GPC5: variants seen among roughly 807,000 people sequenced by gnomAD.
GPC5 encodes glypican 5.
In GPC5, 47 loss-of-function variants were observed where a neutral mutation model predicts 53.9. That is an observed-to-expected ratio of 0.87 (90% confidence interval 0.69 to 1.11). The LOEUF (loss-of-function observed/expected upper bound fraction) is 1.11, where lower values mean the gene tolerates loss of function less well. Ranked by LOEUF, GPC5 falls within the 50% of genes most tolerant of loss-of-function variation. The pLI, the probability that GPC5 is intolerant of heterozygous loss-of-function variation, is 0.00. For missense variants in GPC5, 748 were observed against 713.1 expected, an observed-to-expected ratio of 1.05 and a Z score of -0.56; for synonymous variants, 286 against 263.3, an observed-to-expected ratio of 1.09 and a Z score of -0.84.
At chr13:91,511,889 GTC>G (rs1167280902) in intron 2 of GPC5, among the ~76,000 whole-genome samples, 1 of 151,766 alleles carries the variant, frequency 6.6e-6, no homozygotes, top group Non-Finnish European at 1.5e-5. Context: ...TTTTTGTCAT[GTC>G]TCATAATTTT....
intron 7 of GPC5, among the ~76,000 whole-genome samples, chr13:92,325,621 T>C (rs372114373): frequency 1.3e-5 from 2 of 152,164 alleles, no homozygotes; most frequent in African/African-American, 4.8e-5. Context: ...AAACAGATGA[T>C]TGGTTGAACA....
At position 91,494,226 on chromosome 13, in the gene GPC5, G is replaced by T. The variant is rs563369192; in HGVS notation, c.325+45304G>T. 1.3e-4 allele frequency among the ~76,000 whole-genome samples: 19 copies of T among 151,710 alleles called. No homozygotes were observed. In the South Asian group the frequency reaches 4.0e-3, roughly 32 times the overall value. The stretch of plus-strand genomic sequence containing the variant: ...CTGTTGTTATGAATGACCTGTTTGT[G>T]CCTCTTGCAAAGGCCAGCCCTTGTT... On this transcript the variant is annotated intron_variant, in intron 2 of 7. Transcript: ENST00000377067.
At chr13:92,639,028 A>G (rs2139145761) in intron 7 of GPC5, among the ~76,000 whole-genome samples, 1 of 152,290 alleles carries the variant, frequency 6.6e-6, no homozygotes, top group African/African-American at 2.4e-5. Context: ...CATAATATTG[A>G]GGGGGGCATG....
At chr13:92,500,633 C>T (rs1880150211) in intron 7 of GPC5, among the ~76,000 whole-genome samples, 1 of 152,152 alleles carries the variant, frequency 6.6e-6, no homozygotes, top group Non-Finnish European at 1.5e-5. Flanking sequence ...ATTTTTCCCC[C>T]CATCCTGAGT....
At chr13:91,699,240 G>A (rs2035945755) in intron 3 of GPC5, among the ~76,000 whole-genome samples, 1 of 152,194 alleles carries the variant, frequency 6.6e-6, no homozygotes, top group Non-Finnish European at 1.5e-5. Context: ...TATATGAAAA[G>A]TTGACAAGAT....
At chr13:92,195,712 G>C (rs1196014850) in intron 7 of GPC5, among the ~76,000 whole-genome samples, 1 of 152,160 alleles carries the variant, frequency 6.6e-6, no homozygotes, top group African/African-American at 2.4e-5. Flanking sequence ...CAGTTTTGAT[G>C]AACAGTGACT....
At chr13:92,564,666 T>A (rs1882808992) in intron 7 of GPC5, among the ~76,000 whole-genome samples, 2 of 152,014 alleles carry the variant, frequency 1.3e-5, no homozygotes, top group Non-Finnish European at 2.9e-5. Flanking sequence ...TCAGTCCTTT[T>A]TCCCCTTCTT....
chr13:92,683,845 A>G (rs1398105658), intron 7 of GPC5, among the ~76,000 whole-genome samples: 1 of 152,128 alleles, frequency 6.6e-6, no homozygotes, highest in Non-Finnish European at 1.5e-5. Flanking sequence ...TATTTTTAAC[A>G]TCTCGTGGTA....
At chr13:91,924,886 A>G (rs1290949402) in intron 6 of GPC5, among the ~76,000 whole-genome samples, 5 of 150,494 alleles carry the variant, frequency 3.3e-5, no homozygotes, top group East Asian at 2.0e-4. Context: ...GCTGGAGTGC[A>G]GTGGCTCACT....
chr13:91,511,845 C>G (rs1389334507), intron 2 of GPC5, among the ~76,000 whole-genome samples: 1 of 151,934 alleles, frequency 6.6e-6, no homozygotes, highest in African/African-American at 2.4e-5. Context: ...GAACCTTCTT[C>G]TATGGACTAT....
chr13:92,397,149 T>C (rs1299439912), intron 7 of GPC5, among the ~76,000 whole-genome samples: 1 of 152,352 alleles, frequency 6.6e-6, no homozygotes, highest in East Asian at 1.9e-4. Flanking sequence ...TTGTCAAAGT[T>C]ACCTTATGCA....
At chr13:92,685,207 C>A (rs1463614477) in intron 7 of GPC5, among the ~76,000 whole-genome samples, 1 of 152,118 alleles carries the variant, frequency 6.6e-6, no homozygotes, top group Non-Finnish European at 1.5e-5. Flanking sequence ...TTCTCCCTGC[C>A]TCAGCCTCCT....
intron 2 of GPC5, among the ~76,000 whole-genome samples, chr13:91,609,061 G>C (rs568621211): frequency 2.5e-5 from 1 of 40,248 alleles, no homozygotes. Flanking sequence ...ACAGGAGTTG[G>C]TGATAGTGTC....
chr13:92,461,062 AT>A (rs926081127), intron 7 of GPC5, among the ~76,000 whole-genome samples: 13 of 150,656 alleles, frequency 8.6e-5, no homozygotes, highest in Non-Finnish European at 1.8e-4. Flanking sequence ...CTAAGTCAAC[AT>A]TTTTTTTTTC....
chr13:91,426,763 G>C (rs1879085039), intron 1 of GPC5, among the ~76,000 whole-genome samples: 1 of 152,156 alleles, frequency 6.6e-6, no homozygotes, highest in Non-Finnish European at 1.5e-5. Context: ...CTGATTAGAT[G>C]GTGCCCACCA....
At chr13:91,921,381 C>G (rs546272678) in intron 6 of GPC5, among the ~76,000 whole-genome samples, 14 of 151,114 alleles carry the variant, frequency 9.3e-5, no homozygotes, top group Non-Finnish European at 1.9e-4. Flanking sequence ...TTTTCTAAGT[C>G]AAAAAAAATT....
chr13:91,716,042 G>T (rs984080082), intron 3 of GPC5, among the ~76,000 whole-genome samples: 2 of 151,222 alleles, frequency 1.3e-5, no homozygotes, highest in African/African-American at 4.9e-5. Context: ...AATTCCAAAA[G>T]TGTTGGGATT....
intron 7 of GPC5, among the ~76,000 whole-genome samples, chr13:92,151,147 G>T (rs2041904942): frequency 6.6e-6 from 1 of 152,030 alleles, no homozygotes; most frequent in Non-Finnish European, 1.5e-5. Context: ...TAACTGTGTG[G>T]AAGTAGTCAT....
intron 5 of GPC5, among the ~76,000 whole-genome samples, chr13:91,763,874 G>A (rs373631818): frequency 6.6e-6 from 1 of 152,150 alleles, no homozygotes; most frequent in Non-Finnish European, 1.5e-5. Context: ...GGATGCTCAA[G>A]TCCCAGCTAT....
Sources: allele counts gnomAD v4.1 joint callset (sites outside exome capture counted in the v4.1 genomes callset), GRCh38; gene constraint gnomAD v4.1.1; transcripts MANE v1.5; gene names NCBI Gene and HGNC (gene_info 2026-07-23, HGNC 2026-07-21).